MARCHF1: variants seen among roughly 807,000 people sequenced by gnomAD.
The protein encoded by MARCHF1 is membrane associated ring-CH-type finger 1, also known as E3 ubiquitin-protein ligase MARCHF1.
A neutral mutation model predicts 54.2 loss-of-function variants in MARCHF1; 40 were observed. The ratio of observed to expected loss-of-function variants is 0.74; its 90% CI spans 0.57 to 0.96. The LOEUF is 0.96. Ranked by LOEUF, MARCHF1 falls within the 40% of genes least tolerant of loss-of-function variation. The pLI is 0.00. For synonymous variants in MARCHF1, 236 were observed against 236.3 expected, an observed-to-expected ratio of 1.00 and a Z score of 0.01; for missense variants, 586 against 656.5, an observed-to-expected ratio of 0.89 and a Z score of 1.17.
intron 1 of MARCHF1, among the ~76,000 whole-genome samples, chr4:164,218,122 T>C (rs9968537): frequency 0.47 from 70,807 of 151,576 alleles, 16,671 homozygotes; most frequent in Non-Finnish European, 0.5. Context: ...GGTAAAACTA[T>C]AACTCTTGGG....
chr4:163,548,253 C>G (rs1738978111), intron 8 of MARCHF1, among the ~76,000 whole-genome samples: 1 of 152,144 alleles, frequency 6.6e-6, no homozygotes, highest in Non-Finnish European at 1.5e-5. Context: ...AAAGTGGAAG[C>G]TGGTATGGAA....
chr4:164,015,990 C>T (rs1358019888), intron 2 of MARCHF1, among the ~76,000 whole-genome samples: 3 of 151,650 alleles, frequency 2.0e-5, no homozygotes, highest in Admixed American at 1.3e-4. Flanking sequence ...ATCAATATAT[C>T]GAAAATATAT....
intron 2 of MARCHF1, among the ~76,000 whole-genome samples, chr4:164,027,496 G>T (rs893058330): frequency 6.6e-6 from 1 of 150,688 alleles, no homozygotes; most frequent in Admixed American, 6.7e-5. Flanking sequence ...AACAAGCAAT[G>T]GGAAATGATT....
intron 2 of MARCHF1, among the ~76,000 whole-genome samples, chr4:164,022,539 C>A (rs1753687573): frequency 1.3e-5 from 2 of 152,142 alleles, no homozygotes; most frequent in Non-Finnish European, 2.9e-5. Context: ...CCATTCTTGC[C>A]ACAGACCTCT....
chr4:164,015,474 A>G (rs999528857), intron 2 of MARCHF1, among the ~76,000 whole-genome samples: 1 of 152,158 alleles, frequency 6.6e-6, no homozygotes, highest in Non-Finnish European at 1.5e-5. Context: ...CAAGCTAAAA[A>G]AGCTTCTGCA....
intron 7 of MARCHF1, among the ~76,000 whole-genome samples, chr4:163,609,623 G>GTA (rs959482367): frequency 2.7e-4 from 34 of 123,834 alleles, no homozygotes; most frequent in East Asian, 1.6e-3. Context: ...GTGTGTGTGT[G>GTA]TATATATATA....
intron 3 of MARCHF1, among the ~76,000 whole-genome samples, chr4:163,949,519 G>A (rs1752089995): frequency 6.6e-6 from 1 of 152,244 alleles, no homozygotes; most frequent in Admixed American, 6.5e-5. Context: ...AGCACTTTCA[G>A]CCCTGCCATT....
At chr4:164,193,343 A>G (rs1301194487) in intron 1 of MARCHF1, among the ~76,000 whole-genome samples, 5 of 151,854 alleles carry the variant, frequency 3.3e-5, no homozygotes, top group African/African-American at 1.2e-4. Flanking sequence ...CATTAAAGAT[A>G]CCCTATATCT....
At chr4:163,999,109 G>A (rs889351516) in intron 2 of MARCHF1, among the ~76,000 whole-genome samples, 4 of 151,444 alleles carry the variant, frequency 2.6e-5, no homozygotes, top group Non-Finnish European at 4.4e-5. Context: ...TCTCCAACAT[G>A]TATATTCCTT....
chr4:163,846,664 C>T (rs1749493172), intron 4 of MARCHF1, among the ~76,000 whole-genome samples: 2 of 151,998 alleles, frequency 1.3e-5, no homozygotes, highest in African/African-American at 4.8e-5. Flanking sequence ...ATTTTAGTTT[C>T]TGAAACTTTT....
At chr4:164,269,942 C>A (rs1357975758) in intron 1 of MARCHF1, among the ~76,000 whole-genome samples, 1 of 152,090 alleles carries the variant, frequency 6.6e-6, no homozygotes, top group Admixed American at 6.6e-5. Flanking sequence ...CTGCCATGAG[C>A]CCCTGCAATC....
chr4:164,300,189 T>A (rs149572678), intron 1 of MARCHF1, among the ~76,000 whole-genome samples: 287 of 152,210 alleles, frequency 1.9e-3, no homozygotes, highest in Admixed American at 3.7e-3. Flanking sequence ...AGAACATCAT[T>A]ATCATCATTA....
chr4:163,707,098 A>G (rs1457973964), intron 4 of MARCHF1, among the ~76,000 whole-genome samples: 5 of 152,100 alleles, frequency 3.3e-5, no homozygotes, highest in Non-Finnish European at 7.4e-5. Flanking sequence ...TGGAGTCCTG[A>G]TGGAACAATG....
At chr4:164,345,408 C>A (rs1730060740) in intron 1 of MARCHF1, among the ~76,000 whole-genome samples, 2 of 151,758 alleles carry the variant, frequency 1.3e-5, no homozygotes, top group Admixed American at 6.6e-5. Context: ...CCTATCTCTA[C>A]TAAAAATGCA....
At chr4:163,774,614 C>T (rs1747253812) in intron 4 of MARCHF1, among the ~76,000 whole-genome samples, 1 of 151,366 alleles carries the variant, frequency 6.6e-6, no homozygotes, top group Admixed American at 6.6e-5. Flanking sequence ...TCTGCCTCAG[C>T]CTCCCAAGTA....
chr4:163,631,179 G>A (rs186311321), intron 5 of MARCHF1, among the ~76,000 whole-genome samples: 3 of 152,074 alleles, frequency 2.0e-5, no homozygotes, highest in Admixed American at 2.0e-4. Context: ...ATTTAAATAT[G>A]TAACAGAAAA....
At chr4:164,230,053 A>C (rs767889946) in intron 1 of MARCHF1, among the ~76,000 whole-genome samples, 3 of 152,104 alleles carry the variant, frequency 2.0e-5, no homozygotes, top group Non-Finnish European at 4.4e-5. Context: ...AGCTGGGACT[A>C]CAGGTGTGTG....
chr4:164,084,074 A>C (rs1755150411), intron 2 of MARCHF1, among the ~76,000 whole-genome samples: 1 of 152,000 alleles, frequency 6.6e-6, no homozygotes, highest in Non-Finnish European at 1.5e-5. Flanking sequence ...TTGCATAATC[A>C]TTGTAATGAA....
intron 4 of MARCHF1, among the ~76,000 whole-genome samples, chr4:163,847,183 T>C (rs969611527): frequency 1.3e-5 from 2 of 152,168 alleles, no homozygotes; most frequent in African/African-American, 4.8e-5. Context: ...TTTACATACT[T>C]CTAAAAGTCA....
Sources: allele counts gnomAD v4.1 joint callset (sites outside exome capture counted in the v4.1 genomes callset), GRCh38; gene constraint gnomAD v4.1.1; transcripts MANE v1.5; gene names NCBI Gene and HGNC (gene_info 2026-07-23, HGNC 2026-07-21).